Variants in SLC2A13 observed in about 807,000 individuals in gnomAD.
SLC2A13 encodes the protein proton myo-inositol cotransporter.
A neutral mutation model predicts 64.4 loss-of-function variants in SLC2A13; 32 were observed. The observed-to-expected ratio is 0.50, with a 90% CI of 0.37 to 0.67. SLC2A13 has a LOEUF of 0.67. SLC2A13 is among the 30% of genes least tolerant of loss of function. The pLI is 0.00. For missense variants in SLC2A13, 743 were observed against 829.2 expected (o/e 0.90, Z 1.28); for synonymous variants, 338 against 327.1 (o/e 1.03, Z -0.36).
At chr12:39,969,055 T>A (rs1266754101) in intron 3 of SLC2A13, among the ~76,000 whole-genome samples, 1 of 152,050 alleles carries the variant, frequency 6.6e-6, no homozygotes, top group Non-Finnish European at 1.5e-5. Flanking sequence ...GGTGTTTGGT[T>A]TTTTTGTCCT....
intron 7 of SLC2A13, among the ~76,000 whole-genome samples, chr12:39,778,967 A>C (rs1308968213): frequency 6.6e-6 from 1 of 152,188 alleles, no homozygotes; most frequent in Non-Finnish European, 1.5e-5. Context: ...AAAAACCACT[A>C]ATTGCAGGGA....
intron 6 of SLC2A13, among the ~76,000 whole-genome samples, chr12:39,863,087 G>A (rs545258559): frequency 1.5e-4 from 23 of 152,106 alleles, no homozygotes; most frequent in Middle Eastern, 3.4e-3. Flanking sequence ...ACTGACTCCC[G>A]AAGGACACCT....
At chr12:39,968,620 C>T (rs951356217) in intron 3 of SLC2A13, among the ~76,000 whole-genome samples, 1 of 151,886 alleles carries the variant, frequency 6.6e-6, no homozygotes, top group Admixed American at 6.6e-5. Context: ...GCCAATCAAT[C>T]CCTCTATCCC....
At chr12:39,901,112 G>A (rs1455092535) in intron 4 of SLC2A13, among the ~76,000 whole-genome samples, 1 of 152,154 alleles carries the variant, frequency 6.6e-6, no homozygotes, top group African/African-American at 2.4e-5. Flanking sequence ...TTAATAAATG[G>A]TGTGGGGAAA....
At chr12:40,059,801 T>C (rs1360761688) in intron 1 of SLC2A13, among the ~76,000 whole-genome samples, 1 of 152,124 alleles carries the variant, frequency 6.6e-6, no homozygotes, top group Admixed American at 6.6e-5. Context: ...CAGAAAGGCC[T>C]GTTAGATTCT....
chr12:39,804,292 T>C (rs1293105613), intron 7 of SLC2A13, among the ~76,000 whole-genome samples: 1 of 152,180 alleles, frequency 6.6e-6, no homozygotes, highest in African/African-American at 2.4e-5. Context: ...AGGATAAATG[T>C]CATTATAATA....
intron 6 of SLC2A13, among the ~76,000 whole-genome samples, chr12:39,832,643 G>A (rs1942886675): frequency 6.6e-6 from 1 of 152,038 alleles, no homozygotes; most frequent in African/African-American, 2.4e-5. Context: ...GAATAAAACA[G>A]TCACTGCCCT....
At chr12:39,940,549 T>C (rs1946002160) in intron 4 of SLC2A13, among the ~76,000 whole-genome samples, 1 of 152,078 alleles carries the variant, frequency 6.6e-6, no homozygotes, top group African/African-American at 2.4e-5. Context: ...GCCTAGCTTG[T>C]CCAGGAACTC....
At chr12:39,996,069 T>C (rs1947224342) in intron 3 of SLC2A13, among the ~76,000 whole-genome samples, 1 of 152,246 alleles carries the variant, frequency 6.6e-6, no homozygotes, top group Admixed American at 6.5e-5. Context: ...CTCTAGAGAC[T>C]TGTTGAATGG....
chr12:39,903,956 C>T (rs1945203031), intron 4 of SLC2A13, among the ~76,000 whole-genome samples: 1 of 152,060 alleles, frequency 6.6e-6, no homozygotes, highest in Admixed American at 6.6e-5. Flanking sequence ...AGACAGGATA[C>T]TGCTATTTAT....
chr12:39,833,403 A>T (rs1250778026), intron 6 of SLC2A13, among the ~76,000 whole-genome samples: 2 of 152,038 alleles, frequency 1.3e-5, no homozygotes, highest in East Asian at 3.9e-4. Context: ...TACCTCAAAG[A>T]GACCTTCAAC....
At position 39,904,870 on chromosome 12, in the gene SLC2A13, C is replaced by G. The variant is rs542860130; in HGVS notation, c.1035-32909G>C. 2.6e-5 allele frequency among the ~76,000 whole-genome samples: 4 copies of G among 152,232 alleles called. No individual in the cohort carries two copies. In the South Asian group the frequency reaches 8.3e-4, roughly 32 times the overall value. ...GTGCCCTGCCCCTGGATGAACAGGT[C>G]TTCTGCATTGCCTCGTCATTGTGTA... On this transcript the variant is annotated intron_variant, in intron 4 of 9. Coordinates refer to ENST00000280871, the MANE Select transcript of SLC2A13 (RefSeq NM_052885.4).
chr12:40,039,997 T>C (rs1383506179), intron 2 of SLC2A13, among the ~76,000 whole-genome samples: 1 of 152,236 alleles, frequency 6.6e-6, no homozygotes, highest in Non-Finnish European at 1.5e-5. Context: ...TTTATAATGG[T>C]CATCTTCAGG....
intron 1 of SLC2A13, among the ~76,000 whole-genome samples, chr12:40,056,949 C>A (rs186648000): frequency 2.0e-5 from 3 of 151,980 alleles, no homozygotes; most frequent in African/African-American, 7.3e-5. Flanking sequence ...CATTGCACTG[C>A]AGCCTGGGTG....
At chr12:39,971,735 G>A (rs1168706087) in intron 3 of SLC2A13, among the ~76,000 whole-genome samples, 1 of 151,976 alleles carries the variant, frequency 6.6e-6, no homozygotes, top group African/African-American at 2.4e-5. Flanking sequence ...AGCACTTTGG[G>A]AGGCCGAGGT....
chr12:39,765,186 G>A (rs1233376219), intron 7 of SLC2A13, among the ~76,000 whole-genome samples: 1 of 151,980 alleles, frequency 6.6e-6, no homozygotes, highest in Admixed American at 6.6e-5. Flanking sequence ...AAAAGACCAT[G>A]GCATTTGCAA....
chr12:39,905,625 G>A (rs935598977), intron 4 of SLC2A13, among the ~76,000 whole-genome samples: 2 of 151,996 alleles, frequency 1.3e-5, no homozygotes, highest in Non-Finnish European at 2.9e-5. Context: ...TGCAAATGCT[G>A]CTGATTTTAA....
intron 1 of SLC2A13, among the ~76,000 whole-genome samples, chr12:40,095,775 TTGAA>T (rs1393818414): frequency 1.3e-5 from 2 of 152,218 alleles, no homozygotes; most frequent in African/African-American, 2.4e-5. Flanking sequence ...AATAAACTTG[TTGAA>T]TGAAGAAAAA....
chr12:40,004,182 A>AATTTT (rs903023005), intron 3 of SLC2A13, among the ~76,000 whole-genome samples: 3 of 151,926 alleles, frequency 2.0e-5, no homozygotes, highest in Non-Finnish European at 4.4e-5. Flanking sequence ...AATACTATAC[A>AATTTT]ATTTTATTTT....
Sources: gnomAD v4.1 joint callset for allele counts (sites outside exome capture counted in the v4.1 genomes callset) on GRCh38, gnomAD v4.1.1 for gene constraint, MANE v1.5 for transcripts, NCBI Gene and HGNC (gene_info 2026-07-23, HGNC 2026-07-21) for gene names.